The following ITSN1 variants were observed in gnomAD, a reference collection of about 807,000 sequenced individuals.
ITSN1 encodes intersectin 1.
ITSN1 carries 58 observed loss-of-function variants against 239.8 expected under a neutral mutation model. The ratio of observed to expected loss-of-function variants is 0.24; its 90% CI spans 0.20 to 0.30. The LOEUF is 0.30. ITSN1 is among the 10% of genes least tolerant of loss of function. ITSN1 has a pLI of 1.00. For missense variants in ITSN1, 1,558 were observed against 2,103.3 expected (o/e 0.74, Z 5.07); for synonymous variants, 780 against 770.8 (o/e 1.01, Z -0.20).
Position 33,687,421 on chromosome 21 carries a change from A to G in ITSN1, c.-32-31376A>G, listed in dbSNP as rs979930419. On this transcript the variant is annotated intron_variant, in intron 1 of 39. Coordinates refer to ENST00000381318, the MANE Select transcript of ITSN1 (RefSeq NM_003024.3). ...CTTAAAAAAAAAAAAAAAAAAAAAA[A>G]AAAAAAAGAATTTTCAAGCCACATT... Among the ~76,000 whole-genome samples, 180 of 145,708 alleles carry G rather than the reference A, an allele frequency of 1.2e-3. 1 individual carries two copies. The highest frequency in any genetic ancestry group is 2.1e-3 in the Non-Finnish European group (135 of 65,432).
intron 29 of ITSN1, among the ~76,000 whole-genome samples, chr21:33,843,924 G>T (rs2074908116): frequency 6.6e-6 from 1 of 152,208 alleles, no homozygotes; most frequent in African/African-American, 2.4e-5. Flanking sequence ...GGAGAGAAAA[G>T]GCATTTGTGC....
At position 33,892,150 on chromosome 21, in the gene ITSN1, G is replaced by T. The variant is rs1225507981; in HGVS notation, c.*3850G>T. 6.6e-6 allele frequency: 1 copy of T among 152,206 alleles called. No homozygotes were observed. Among genetic ancestry groups the T allele is most frequent in the Non-Finnish European group, 1.5e-5 (1 of 68,048 alleles). 9.4% of individuals were successfully genotyped at this position (152,206 alleles called of 1,614,324 possible). The stretch of plus-strand genomic sequence containing the variant: ...AGTTTAGAGCATCCTATGCCAGAAA[G>T]TGAGATGAAAACAAAGGCACCTGGA... On this transcript the variant is annotated 3_prime_UTR_variant, in exon 40 of 40. Transcript: ENST00000381318.
chr21:33,782,146 T>C lies in ITSN1; in HGVS notation c.1824+13T>C. On this transcript the variant is annotated intron_variant, in intron 16 of 39. Coordinates refer to ENST00000381318, the MANE Select transcript of ITSN1 (RefSeq NM_003024.3). ...TAATCAGCTGAAGGTAACTCTTCTA[T>C]GTGTGCCTGCATGTGTGTCCTACCT... The C allele has an allele frequency of 1.9e-6, 3 of 1,612,580 alleles. No individual in the cohort carries two copies. Among genetic ancestry groups the C allele is most frequent in the Non-Finnish European group, 2.5e-6 (3 of 1,179,112 alleles).
At position 33,711,266 on chromosome 21, in the gene ITSN1, T is replaced by G. The variant is rs529851685; in HGVS notation, c.-32-7531T>G. Among the ~76,000 whole-genome samples, 42 of 152,260 alleles carry G rather than the reference T, an allele frequency of 2.8e-4. No homozygotes were observed. In the South Asian group the frequency reaches 8.3e-3, roughly 30 times the overall value. The stretch of plus-strand genomic sequence containing the variant: ...TTGTAGGATTGATGGGGATGCCCCT[T>G]ATTTCTACGATTTTTTTTTCTCTCT... On this transcript the variant is annotated intron_variant, in intron 1 of 39. Transcript: ENST00000381318.
chr21:33,653,345 C>T (rs1471224060), intron 1 of ITSN1, among the ~76,000 whole-genome samples: 1 of 152,092 alleles, frequency 6.6e-6, no homozygotes, highest in Non-Finnish European at 1.5e-5. Flanking sequence ...TGTTTGAGTA[C>T]ACGCTGTATA....
intron 26 of ITSN1, 154 bp from the exon 27 acceptor site, chr21:33,829,470 C>G: frequency 1.3e-6 from 1 of 753,108 alleles, no homozygotes; most frequent in East Asian, 2.6e-5. Context: ...TGGGAACGGG[C>G]GATTCAGGGA....
intron 24 of ITSN1, among the ~76,000 whole-genome samples, chr21:33,821,858 T>C (rs1366203350): frequency 6.6e-6 from 1 of 152,168 alleles, no homozygotes; most frequent in Non-Finnish European, 1.5e-5. Context: ...TGGCCAAATA[T>C]GATCTAAAGA....
chr21:33,695,242 A>G (rs1176162960), intron 1 of ITSN1, among the ~76,000 whole-genome samples: 4 of 152,238 alleles, frequency 2.6e-5, no homozygotes, highest in Non-Finnish European at 4.4e-5. Context: ...AGATATCTGT[A>G]TTAAACTTAT....
intron 1 of ITSN1, among the ~76,000 whole-genome samples, chr21:33,691,662 G>A (rs914585597): frequency 5.9e-5 from 9 of 152,302 alleles, no homozygotes; most frequent in East Asian, 1.9e-4. Context: ...TTAAGCAATC[G>A]AAATTTATTT....
intron 23 of ITSN1, 110 bp downstream of exon 23, chr21:33,818,582 C>T (rs911118627): frequency 4.2e-6 from 4 of 961,560 alleles, no homozygotes; most frequent in Middle Eastern, 3.1e-4. Flanking sequence ...AGTTTGTCTT[C>T]TAGATCTTTT....
chr21:33,780,192 T>C (rs952951397), intron 14 of ITSN1, among the ~76,000 whole-genome samples: 1 of 152,256 alleles, frequency 6.6e-6, no homozygotes, highest in Non-Finnish European at 1.5e-5. Flanking sequence ...ATGAAGGCCA[T>C]GTGTTTATTA....
Position 33,782,115 on chromosome 21 carries a change from T to G in ITSN1, c.1806T>G (p.Ile602Met). 1.2e-6 allele frequency: 2 copies of G among 1,613,750 alleles called. No individual in the cohort carries two copies. Among genetic ancestry groups the G allele is most frequent in the Non-Finnish European group, 1.7e-6 (2 of 1,179,876 alleles). ...GATCAAAACTACAGGAGATTGATAT[T>G]TTCAATAATCAGCTGAAGGTAACTC... ...ETRSKLQEIDIFNNQLKELRE... is the reference protein window; with the variant it reads ...ETRSKLQEIDMFNNQLKELRE... The change falls in exon 16 of 40, where the codon ATT (isoleucine) becomes ATG (methionine). Residue 602 changes from isoleucine (I) to methionine (M), a missense_variant. By Grantham distance (10) the Ile-to-Met change is conservative. This residue lies in a region of ITSN1 where 982 missense variants were observed against 1,209.9 expected (regional missense o/e 0.81). Transcript: ENST00000381318.
chr21:33,749,069 G>T (rs974522462), intron 5 of ITSN1, among the ~76,000 whole-genome samples: 1 of 150,510 alleles, frequency 6.6e-6, no homozygotes, highest in Non-Finnish European at 1.5e-5. Flanking sequence ...GCTCACTGTA[G>T]CCTCAACCTC....
intron 4 of ITSN1, among the ~76,000 whole-genome samples, chr21:33,727,900 G>A (rs1052907917): frequency 2.0e-5 from 3 of 151,442 alleles, no homozygotes; most frequent in Non-Finnish European, 2.9e-5. Flanking sequence ...CACTGTTCGA[G>A]CATCTGGACT....
chr21:33,764,610 C>G (rs2147692869), intron 9 of ITSN1, among the ~76,000 whole-genome samples: 1 of 152,318 alleles, frequency 6.6e-6, no homozygotes, highest in East Asian at 1.9e-4. Context: ...TTTGTCAAAA[C>G]TCTCAGACCT....
Position 33,895,743 on chromosome 21 carries a change from C to G in ITSN1, c.*7443C>G, listed in dbSNP as rs575255796. ...TGCATGTGTGCGCATGCGTGTGTAC[C>G]TACCCACACCTAGGGGGATGCATGG... On this transcript the variant is annotated 3_prime_UTR_variant, in exon 40 of 40. Coordinates refer to ENST00000381318, the MANE Select transcript of ITSN1 (RefSeq NM_003024.3). 6.6e-6 allele frequency: 1 copy of G among 152,316 alleles called. No homozygotes were observed. Among genetic ancestry groups the G allele is most frequent in the African/African-American group, 2.4e-5 (1 of 41,432 alleles). The allele number at this position is 152,316 out of a possible 1,614,324, so 9.4% of individuals were successfully genotyped here.
intron 4 of ITSN1, among the ~76,000 whole-genome samples, chr21:33,726,826 A>C (rs1475918750): frequency 6.6e-6 from 1 of 152,222 alleles, no homozygotes; most frequent in African/African-American, 2.4e-5. Context: ...CCAGCAAAGA[A>C]GAGAAGTTTG....
rs1272665277 is a variant in ITSN1, at chr21:33,761,954, A to G, written c.756A>G (p.Ser252=). 2 of 1,613,896 alleles carry G rather than the reference A, an allele frequency of 1.2e-6. No homozygotes were observed. The highest frequency in any genetic ancestry group is 2.2e-5 in the South Asian group (2 of 91,074). Residue 252 remains serine (S), a synonymous_variant, in exon 9 of 40, where the codon TCA becomes TCG. Coordinates refer to ENST00000381318, the MANE Select transcript of ITSN1 (RefSeq NM_003024.3). The stretch of plus-strand genomic sequence containing the variant: ...AAGCAAGAACTATTCTTATGCAGTC[A>G]AGTTTACCACAGGCTCAGCTGGCTT... ...GPQARTILMQ[S]SLPQAQLASI...
At chr21:33,798,856 G>A (rs2071762497) in intron 18 of ITSN1, among the ~76,000 whole-genome samples, 1 of 152,118 alleles carries the variant, frequency 6.6e-6, no homozygotes, top group East Asian at 1.9e-4. Flanking sequence ...CCATGTCATA[G>A]GAGGGGCAAA....
Sources: allele counts gnomAD v4.1 joint callset (sites outside exome capture counted in the v4.1 genomes callset), GRCh38; gene constraint gnomAD v4.1.1; regional missense constraint gnomAD v4.1.1; transcripts MANE v1.5; gene names NCBI Gene and HGNC (gene_info 2026-07-23, HGNC 2026-07-21).